Variants in PLEKHG1 observed in about 807,000 individuals in gnomAD.
PLEKHG1 encodes the protein pleckstrin homology and RhoGEF domain containing G1, also known as pleckstrin homology domain-containing family G member 1.
PLEKHG1 carries 44 observed loss-of-function variants against 100.8 expected under a neutral mutation model. That is an observed-to-expected ratio of 0.44 (90% CI 0.34 to 0.56). PLEKHG1 has a LOEUF of 0.56. Ranked by LOEUF, PLEKHG1 falls within the 20% of genes least tolerant of loss-of-function variation. The pLI, the probability that PLEKHG1 is intolerant of heterozygous loss-of-function variation, is 0.01. For synonymous variants in PLEKHG1, 640 were observed against 662.5 expected (o/e 0.97, Z 0.52); for missense variants, 1,545 against 1,720.9 (o/e 0.90, Z 1.81).
exon 8 of PLEKHG1, chr6:150,809,144 C>T (rs531288962): frequency 1.9e-6 from 3 of 1,614,200 alleles, no homozygotes; most frequent in African/African-American, 2.7e-5. Flanking sequence ...GGGGCCAGAC[C>T]TGACCAGCTA....
intron 7 of PLEKHG1, among the ~76,000 whole-genome samples, chr6:150,807,670 TAGAG>T (rs1314187381): frequency 3.3e-5 from 5 of 152,092 alleles, no homozygotes; most frequent in African/African-American, 4.8e-5. Context: ...AAACTTTACT[TAGAG>T]AGAATGAATA....
At chr6:150,703,225 A>C (rs1458642588) in intron 3 of PLEKHG1, among the ~76,000 whole-genome samples, 2 of 152,186 alleles carry the variant, frequency 1.3e-5, no homozygotes, top group Non-Finnish European at 2.9e-5. Context: ...AAATGAAAGC[A>C]GATGAGGATG....
At chr6:150,729,747 G>A (rs72570336) in intron 1 of PLEKHG1, among the ~76,000 whole-genome samples, 17,526 of 152,088 alleles carry the variant, frequency 0.12, 1,070 homozygotes, top group South Asian at 0.17. Context: ...CTTCTGAAAT[G>A]GTCTATTTTA....
intron 3 of PLEKHG1, among the ~76,000 whole-genome samples, chr6:150,705,581 C>T (rs1230650566): frequency 6.6e-6 from 1 of 152,212 alleles, no homozygotes; most frequent in African/African-American, 2.4e-5. Context: ...GCAAACTAAG[C>T]ATGTTACTAG....
chr6:150,616,335 A>C (rs1777070549), intron 1 of PLEKHG1, among the ~76,000 whole-genome samples: 1 of 152,186 alleles, frequency 6.6e-6, no homozygotes, highest in African/African-American at 2.4e-5. Flanking sequence ...TTGTTGTAGA[A>C]GGAAAGAGTA....
chr6:150,786,437 T>C (rs1240105915), exon 4 of PLEKHG1: 2 of 1,609,388 alleles, frequency 1.2e-6, no homozygotes, highest in Non-Finnish European at 1.7e-6. Flanking sequence ...CCTGTGGCCA[T>C]AGCAGAGTGT....
chr6:150,706,326 A>G (rs540362509), intron 3 of PLEKHG1, among the ~76,000 whole-genome samples: 3 of 152,288 alleles, frequency 2.0e-5, no homozygotes, highest in African/African-American at 4.8e-5. Context: ...TTCAAAAACT[A>G]TGCCAGGCAT....
chr6:150,823,047 C>T (rs1025684298), intron 13 of PLEKHG1, among the ~76,000 whole-genome samples: 1 of 152,112 alleles, frequency 6.6e-6, no homozygotes, highest in Admixed American at 6.6e-5. Context: ...GGAGCTGGAA[C>T]GATAAACATT....
chr6:150,648,422 C>G (rs1004005350), intron 2 of PLEKHG1, among the ~76,000 whole-genome samples: 1 of 151,976 alleles, frequency 6.6e-6, no homozygotes, highest in Non-Finnish European at 1.5e-5. Context: ...TGAGAGATGA[C>G]CATATGTAGG....
At chr6:150,641,210 A>T (rs1042281999) in intron 2 of PLEKHG1, among the ~76,000 whole-genome samples, 1 of 152,228 alleles carries the variant, frequency 6.6e-6, no homozygotes, top group Non-Finnish European at 1.5e-5. Context: ...TAGAAACCAT[A>T]CATATCTATA....
intron 1 of PLEKHG1, among the ~76,000 whole-genome samples, chr6:150,603,191 T>C (rs1319256921): frequency 6.6e-6 from 1 of 151,316 alleles, no homozygotes; most frequent in Non-Finnish European, 1.5e-5. Context: ...CAGGCAGGGA[T>C]GGGAAGGAAA....
In PLEKHG1 at chr6:150,832,271, T is replaced by C. The variant is rs910976666; in HGVS notation, c.3094+66T>C. 6.6e-6 allele frequency: 9 copies of C among 1,354,106 alleles called. No homozygotes were observed. The African/African-American group carries it at 1.3e-4, about 20-fold the overall frequency. The allele number at this position is 1,354,106 out of a possible 1,614,324, so 83.9% of individuals were successfully genotyped here. On this transcript the variant is annotated intron_variant, in intron 15 of 15. Coordinates refer to ENST00000358517, the Ensembl canonical transcript of PLEKHG1. ...GGGAGAGCGGTTTTCAGATTTCAGATGTCCTTAAAACGGACACACCTGTGA... is the reference window on the plus strand; with the variant it reads ...GGGAGAGCGGTTTTCAGATTTCAGACGTCCTTAAAACGGACACACCTGTGA...
chr6:150,819,173 T>C (rs1208802439), intron 11 of PLEKHG1, among the ~76,000 whole-genome samples: 1 of 150,850 alleles, frequency 6.6e-6, no homozygotes, highest in Non-Finnish European at 1.5e-5. Context: ...TCCCAGCTAA[T>C]AGACTCCTAG....
chr6:150,604,254 T>C (rs1776492940), intron 1 of PLEKHG1, among the ~76,000 whole-genome samples: 1 of 152,224 alleles, frequency 6.6e-6, no homozygotes, highest in Admixed American at 6.5e-5. Flanking sequence ...AAGTGGTGAA[T>C]AGATCTAGTT....
chr6:150,672,709 G>A (rs1779620841), intron 3 of PLEKHG1, among the ~76,000 whole-genome samples: 1 of 152,136 alleles, frequency 6.6e-6, no homozygotes, highest in Non-Finnish European at 1.5e-5. Context: ...ATAACGACAG[G>A]AAGATGAGAG....
rs1491102072 is a variant in PLEKHG1 at position 150,804,573 on chromosome 6, TGA to T, written c.781-36_781-35del. Reference sequence around the variant, plus strand: ...TTTCACTGTCTATATGAAAATAAAATGAAAAAAAAAAAAACCCTCGTTCTTTT... The same window carrying T: ...TTTCACTGTCTATATGAAAATAAAATAAAAAAAAAAAACCCTCGTTCTTTT... On this transcript the variant is annotated intron_variant, in intron 6 of 15. Coordinates refer to ENST00000358517, the Ensembl canonical transcript of PLEKHG1. The T allele has an allele frequency of 5.1e-6, 7 of 1,385,676 alleles. No individual in the cohort carries two copies. The African/African-American group carries it at 1.1e-4, about 22-fold the overall frequency. 85.8% of individuals were successfully genotyped at this position (1,385,676 alleles called of 1,614,324 possible).
intron 5 of PLEKHG1, among the ~76,000 whole-genome samples, chr6:150,798,319 G>A (rs1786480003): frequency 6.6e-6 from 1 of 152,148 alleles, no homozygotes; most frequent in African/African-American, 2.4e-5. Context: ...TGATACAGGA[G>A]CTTGTTTGGG....
chr6:150,809,183 C>T (rs371904875), exon 8 of PLEKHG1: 43 of 1,614,132 alleles, frequency 2.7e-5, no homozygotes, highest in Middle Eastern at 1.6e-4. Flanking sequence ...GGGAACCTTC[C>T]GCATCCAGCG....
chr6:150,702,557 G>GT (rs145870305), intron 3 of PLEKHG1, among the ~76,000 whole-genome samples: 2 of 142,918 alleles, frequency 1.4e-5, no homozygotes, highest in African/African-American at 5.3e-5. Flanking sequence ...TTTGTTTTGG[G>GT]GTGTGTGTGT....
Sources: allele counts gnomAD v4.1 joint callset (sites outside exome capture counted in the v4.1 genomes callset), GRCh38; gene constraint gnomAD v4.1.1; transcripts MANE v1.5; gene names NCBI Gene and HGNC (gene_info 2026-07-23, HGNC 2026-07-21).